The following ERGIC3 variants were observed in gnomAD, a reference collection of about 807,000 sequenced individuals.
ERGIC3 encodes ERGIC and golgi 3.
ERGIC3 carries 33 observed loss-of-function variants against 54.7 expected under a neutral mutation model. That is an observed-to-expected ratio of 0.60 (90% CI 0.46 to 0.81). The LOEUF (loss-of-function observed/expected upper bound fraction) is 0.81. Among genes scored for constraint, ERGIC3 ranks in the 30% least tolerant of loss-of-function variants. The pLI, the probability that ERGIC3 is intolerant of heterozygous loss-of-function variation, is 0.00. For missense variants in ERGIC3, 399 were observed against 488.4 expected, an observed-to-expected ratio of 0.82 and a Z score of 1.73; for synonymous variants, 186 against 189.8, an observed-to-expected ratio of 0.98 and a Z score of 0.16.
rs748419150 is a variant in ERGIC3 at position 35,557,264 on chromosome 20, G to A, written c.1072+15G>A. The A allele has an allele frequency of 3.7e-6, 6 of 1,614,144 alleles. No homozygotes were observed. Among genetic ancestry groups the A allele is most frequent in the East Asian group, 2.2e-5 (1 of 44,876 alleles). On this transcript the variant is annotated intron_variant, in intron 12 of 12. Transcript: ENST00000348547. ...CATGTTCACAGGTAAGAGGCCCAGG[G>A]CGTCTGTGAGCTGTGGGGTGGGGAG...
rs769749480 is a variant in ERGIC3, at chr20:35,556,396, G to A, written c.879+125G>A. On this transcript the variant is annotated intron_variant, in intron 10 of 12. Transcript: ENST00000348547. ...CCTCACATGGCGAATAAAAGACTGA[G>A]GCACAGAGAGGGTGGGGGATTTGCC... is the stretch of plus-strand genomic sequence containing the variant. 4.9e-6 allele frequency: 5 copies of A among 1,016,584 alleles called. No homozygotes were observed. The South Asian group carries it at 5.3e-5, about 11-fold the overall frequency. 63.0% of individuals were successfully genotyped at this position (1,016,584 alleles called of 1,614,324 possible). A position where few individuals can be genotyped will look rare whatever the true frequency, so the allele number is the denominator to read the frequency against.
chr20:35,550,594 T>C (rs1352927674), intron 7 of ERGIC3, among the ~76,000 whole-genome samples: 1 of 151,956 alleles, frequency 6.6e-6, no homozygotes, highest in Non-Finnish European at 1.5e-5. Flanking sequence ...CCAGCCTGGG[T>C]AACAGAGTGA....
intron 4 of ERGIC3, chr20:35,543,613 C>T (rs886244801): frequency 4.2e-6 from 2 of 471,122 alleles, no homozygotes; most frequent in Non-Finnish European, 8.8e-6. Flanking sequence ...TTTCTAACAC[C>T]TTAGAGATTA....
At chr20:35,545,280 A>G (rs78095440) in intron 4 of ERGIC3, 27,075 of 151,926 alleles carry the variant, frequency 0.18, 2,656 homozygotes, top group Middle Eastern at 0.29. Flanking sequence ...ACCTTTGGCC[A>G]GGCATGGTGG....
At chr20:35,550,954 G>T (rs1186966377) in intron 7 of ERGIC3, among the ~76,000 whole-genome samples, 3 of 152,152 alleles carry the variant, frequency 2.0e-5, no homozygotes, top group African/African-American at 7.2e-5. Context: ...GTTCCTGATG[G>T]GCATGAGGGA....
rs2147301031 is a variant in ERGIC3, at chr20:35,542,133, C to T, written c.36C>T (p.Ala12=). The T allele has an allele frequency of 3.8e-6, 6 of 1,569,240 alleles. No individual in the cohort carries two copies. The highest frequency in any genetic ancestry group is 5.2e-6 in the Non-Finnish European group (6 of 1,158,214). Reference sequence around the variant, plus strand: ...TGGGGAAGCTGAAGCAGTTCGATGCCTACCCCAAGACTTTGGAGGACTTCC... The same window carrying T: ...TGGGGAAGCTGAAGCAGTTCGATGCTTACCCCAAGACTTTGGAGGACTTCC... ...EALGKLKQFD[A]YPKTLEDFRV... is the part of the protein sequence containing the mutation. The change falls in exon 1 of 13, where the codon GCC becomes GCT. Residue 12 remains alanine (A), a synonymous_variant. Transcript: ENST00000348547.
chr20:35,548,329 T>C (rs1228284602), intron 5 of ERGIC3, among the ~76,000 whole-genome samples, 180 bp from the exon 6 acceptor site: 1 of 151,914 alleles, frequency 6.6e-6, no homozygotes, highest in Non-Finnish European at 1.5e-5. Context: ...TTTTAAAAAT[T>C]AAAAAAAGAA....
rs138930074 is a variant in ERGIC3 at position 35,548,084 on chromosome 20, G to A, written c.462-425G>A. Among the ~76,000 whole-genome samples the A allele has an allele frequency of 1.4e-3, 217 of 152,240 alleles. 1 individual carries two copies. In the East Asian group the frequency reaches 0.041, roughly 29 times the overall value. ...TACCATTTTAACTATTTTTAAGTGT[G>A]CAACTCAGTGGCATTAGGTATCTTC... On this transcript the variant is annotated intron_variant, in intron 5 of 12. Transcript: ENST00000348547.
chr20:35,554,201 G>C (rs1392288195), intron 7 of ERGIC3, among the ~76,000 whole-genome samples: 4 of 152,198 alleles, frequency 2.6e-5, no homozygotes, highest in Non-Finnish European at 5.9e-5. Flanking sequence ...TCTCTGGCCA[G>C]ATTAGTTCAC....
chr20:35,557,613 C>G lies in ERGIC3; in HGVS notation c.*109C>G. The G allele has an allele frequency of 1.1e-6, 1 of 902,096 alleles. No individual in the cohort carries two copies. The highest frequency in any genetic ancestry group is 1.6e-5 in the African/African-American group (1 of 61,434). The allele number at this position is 902,096 out of a possible 1,614,324, so 55.9% of individuals were successfully genotyped here. On this transcript the variant is annotated 3_prime_UTR_variant, in exon 13 of 13. Coordinates refer to ENST00000348547, the MANE Select transcript of ERGIC3 (RefSeq NM_015966.3). ...CAGCCCCAGCCCCAGGTTGATAAAT[C>G]TATTGATTGATTGTGATAGTACTCA...
intron 11 of ERGIC3, 34 bp from the exon 12 acceptor site, chr20:35,557,160 G>A (rs763610128): frequency 6.2e-7 from 1 of 1,614,200 alleles, no homozygotes; most frequent in Non-Finnish European, 8.5e-7. Context: ...GAGGGAGGAG[G>A]ATGCCTGCTG....
At chr20:35,554,763 G>A (rs2064702101) in intron 7 of ERGIC3, 3 of 594,824 alleles carry the variant, frequency 5.0e-6, no homozygotes, top group Non-Finnish European at 9.0e-6. Context: ...TTCCGGAGAT[G>A]CAGGCAGGGC....
At chr20:35,544,376 A>AT (rs796688831) in intron 4 of ERGIC3, 58 of 273,940 alleles carry the variant, frequency 2.1e-4, no homozygotes, top group Middle Eastern at 1.3e-3. Context: ...GTTTAAATTT[A>AT]TTTTTTTTCT....
Position 35,557,629 on chromosome 20 carries a change from A to G in ERGIC3, c.*125A>G, listed in dbSNP as rs1601370367. Reference sequence around the variant, plus strand: ...TTGATAAATCTATTGATTGATTGTGATAGTACTCACTGGTCTCCGTGTGAT... The same window carrying G: ...TTGATAAATCTATTGATTGATTGTGGTAGTACTCACTGGTCTCCGTGTGAT... On this transcript the variant is annotated 3_prime_UTR_variant, in exon 13 of 13. Coordinates refer to ENST00000348547, the MANE Select transcript of ERGIC3 (RefSeq NM_015966.3). 10 of 793,786 alleles carry G rather than the reference A, an allele frequency of 1.3e-5. No individual in the cohort carries two copies. In the East Asian group the frequency reaches 2.6e-4, roughly 21 times the overall value. The allele number at this position is 793,786 out of a possible 1,614,324, so 49.2% of individuals were successfully genotyped here. A position where few individuals can be genotyped will look rare whatever the true frequency, so the allele number is the denominator to read the frequency against.
chr20:35,552,233 G>A (rs1327525760), intron 7 of ERGIC3, among the ~76,000 whole-genome samples: 1 of 152,156 alleles, frequency 6.6e-6, no homozygotes, highest in Non-Finnish European at 1.5e-5. Context: ...CCGTGTTGTA[G>A]GAAGGAAGGT....
chr20:35,553,019 G>GGT (rs2064689546), intron 7 of ERGIC3, among the ~76,000 whole-genome samples: 2 of 12,628 alleles, frequency 1.6e-4, no homozygotes, highest in Non-Finnish European at 2.2e-4. Context: ...CAAAGCTGGG[G>GGT]ATTTTTTTTT....
At chr20:35,554,853 G>A (rs1436401640) in intron 7 of ERGIC3, 191 bp from the exon 8 acceptor site, 1 of 699,948 alleles carries the variant, frequency 1.4e-6, no homozygotes, top group African/African-American at 1.8e-5. Context: ...CCTGAGGAGG[G>A]CGTGAACTCT....
At chr20:35,550,351 C>T (rs1179422023) in intron 7 of ERGIC3, among the ~76,000 whole-genome samples, 2 of 152,118 alleles carry the variant, frequency 1.3e-5, no homozygotes, top group Admixed American at 6.5e-5. Flanking sequence ...TGCAGTAGCT[C>T]ATACCTGTAA....
chr20:35,555,185 ACAC>A (rs968510820), intron 8 of ERGIC3, 110 bp downstream of exon 8: 251 of 1,268,848 alleles, frequency 2.0e-4, no homozygotes, highest in Non-Finnish European at 2.5e-4. Flanking sequence ...ATGGAAAAAT[ACAC>A]CACGTTCTGA....
Sources: gnomAD v4.1 joint callset for allele counts (sites outside exome capture counted in the v4.1 genomes callset) on GRCh38, gnomAD v4.1.1 for gene constraint, MANE v1.5 for transcripts, NCBI Gene and HGNC (gene_info 2026-07-23, HGNC 2026-07-21) for gene names.